TMTC1: variants seen among roughly 807,000 people sequenced by gnomAD.
The protein encoded by TMTC1 is protein O-mannosyl-transferase TMTC1.
Under a neutral mutation model 104.8 loss-of-function variants are expected in TMTC1, and 73 were observed. That is an observed-to-expected ratio of 0.70 (90% CI 0.58 to 0.85). TMTC1 has a LOEUF of 0.85. TMTC1 is among the 40% of genes least tolerant of loss of function. The pLI is 0.00. For missense variants in TMTC1, 1,035 were observed against 1,096.1 expected (o/e 0.94, Z 0.79); for synonymous variants, 434 against 428.7 (o/e 1.01, Z -0.15).
At chr12:29,586,525 G>A (rs544732112) in intron 7 of TMTC1, among the ~76,000 whole-genome samples, 2 of 152,092 alleles carry the variant, frequency 1.3e-5, no homozygotes, top group East Asian at 3.9e-4. Context: ...GTTTTCAAAG[G>A]GAATGCTTCC....
In TMTC1 at chr12:29,588,285, C is replaced by G. The variant is rs576939100; in HGVS notation, c.1251-4711G>C. On this transcript the variant is annotated intron_variant, in intron 7 of 17. Transcript: ENST00000539277. ...AAAACCCAAACCAAAAACCTCTTCT[C>G]ACTTCCACAACTCCCTGGTTCAACC... is the stretch of plus-strand genomic sequence containing the variant. Among the ~76,000 whole-genome samples the G allele has an allele frequency of 2.4e-4, 36 of 152,318 alleles. 1 individual carries two copies. In the Middle Eastern group the frequency reaches 0.01, roughly 43 times the overall value.
At chr12:29,569,961 A>G (rs547421552) in intron 9 of TMTC1, among the ~76,000 whole-genome samples, 2 of 152,328 alleles carry the variant, frequency 1.3e-5, no homozygotes, top group South Asian at 4.1e-4. Flanking sequence ...ATAATTCTGT[A>G]AAATCAACTG....
rs1395014352 is a variant in TMTC1 at position 29,516,482 on chromosome 12, T to C, written c.2174A>G (p.Gln725Arg). The C allele has an allele frequency of 3.1e-6, 5 of 1,613,114 alleles. No homozygotes were observed. Among genetic ancestry groups the C allele is most frequent in the Middle Eastern group, 1.7e-4 (1 of 5,984 alleles). ...SQRELRLALA[Q>R]VLAVMGQTKE... ...TGTCTGACCCATCACGGCCAAAACCTGAGCCTACAAAACCACATGGACCTT... is the reference window on the plus strand; with the variant it reads ...TGTCTGACCCATCACGGCCAAAACCCGAGCCTACAAAACCACATGGACCTT... The change falls in exon 15 of 18, where the codon CAG becomes CGG. Residue 725 changes from glutamine to arginine, a missense_variant. By Grantham distance (43) the Gln-to-Arg change is conservative. Transcript: ENST00000539277.
At chr12:29,536,756 T>C (rs529806042) in intron 10 of TMTC1, among the ~76,000 whole-genome samples, 25 of 142,650 alleles carry the variant, frequency 1.8e-4, no homozygotes, top group Non-Finnish European at 3.0e-4. Flanking sequence ...AGGGTGGCTG[T>C]ACCTTCCAGG....
At chr12:29,770,608 TA>T (rs765375576) in intron 1 of TMTC1, among the ~76,000 whole-genome samples, 3 of 152,112 alleles carry the variant, frequency 2.0e-5, no homozygotes, top group Non-Finnish European at 4.4e-5. Flanking sequence ...AAATATAAAA[TA>T]AATTGCTGAA....
chr12:29,556,952 C>T lies in TMTC1; in HGVS notation c.1581G>A (p.Thr527=), dbSNP rs764112138. 8 of 1,614,038 alleles carry T rather than the reference C, an allele frequency of 5.0e-6. No individual in the cohort carries two copies. The highest frequency in any genetic ancestry group is 1.6e-4 in the Middle Eastern group (1 of 6,082). ...ACATCTTTGCCTCTGCTGTGTCTCT[C>T]GTCAGTGTTCCAAGGTTGTTGAGCG... ...ASALNNLGTL[T]RDTAEAKMYY... is the part of the protein sequence containing the mutation. Residue 527 remains threonine, a synonymous_variant, in exon 10 of 18, where the codon ACG becomes ACA. Coordinates refer to ENST00000539277, the MANE Select transcript of TMTC1 (RefSeq NM_001193451.2).
intron 5 of TMTC1, among the ~76,000 whole-genome samples, chr12:29,709,775 C>G (rs1044748089): frequency 1.3e-5 from 2 of 152,142 alleles, no homozygotes; most frequent in African/African-American, 2.4e-5. Flanking sequence ...TTGTTTAATG[C>G]CTTTATATTT....
intron 6 of TMTC1, among the ~76,000 whole-genome samples, chr12:29,605,694 G>C (rs1366708396): frequency 1.3e-5 from 2 of 151,558 alleles, no homozygotes; most frequent in Non-Finnish European, 2.9e-5. Flanking sequence ...AAACTGTATA[G>C]TTTATTTATT....
Position 29,783,539 on chromosome 12 carries a change from C to A in TMTC1, c.213G>T (p.Trp71Cys). Residue 71 changes from tryptophan (W) to cysteine (C), a missense_variant, in exon 1 of 18, where the codon TGG becomes TGT. Trp to Cys is a radical substitution (Grantham distance 215). Transcript: ENST00000539277. The surrounding 1 kb of genome is among the most constrained non-coding windows in gnomAD (Gnocchi z 4.7). ...CCCAGAAGTCGTTGGTGAAGATGCCCCAGCGGAGCGGGGCGCCGGGCCGCA... is the reference window on the plus strand; with the variant it reads ...CCCAGAAGTCGTTGGTGAAGATGCCACAGCGGAGCGGGGCGCCGGGCCGCA... The part of the protein sequence containing the change: ...PDVRPGAPLR[W>C]GIFTNDFWGK... 6.8e-7 allele frequency: 1 copy of A among 1,468,838 alleles called. No homozygotes were observed. 91.0% of individuals were successfully genotyped at this position (1,468,838 alleles called of 1,614,324 possible). A position where few individuals can be genotyped will look rare whatever the true frequency, so the allele number is the denominator to read the frequency against.
rs551357491 is a variant in TMTC1, at chr12:29,727,745, T to A, written c.938+23921A>T. Among the ~76,000 whole-genome samples the A allele has an allele frequency of 3.8e-4, 58 of 152,302 alleles. 3 individuals are homozygous for A. The South Asian group carries it at 0.012, about 30-fold the overall frequency. The stretch of plus-strand genomic sequence containing the variant: ...TTCCTTCCCATTCACAGGCACTCAA[T>A]TCTGCAGTTGTTGCAAAAGGATAAT... On this transcript the variant is annotated intron_variant, in intron 5 of 17. Coordinates refer to ENST00000539277, the MANE Select transcript of TMTC1 (RefSeq NM_001193451.2).
intron 5 of TMTC1, among the ~76,000 whole-genome samples, chr12:29,659,537 A>G (rs1259431482): frequency 6.6e-6 from 1 of 152,178 alleles, no homozygotes; most frequent in Non-Finnish European, 1.5e-5. Flanking sequence ...CCCTCACCAG[A>G]TGTCTAATCT....
chr12:29,583,433 A>G lies in TMTC1; in HGVS notation c.1392T>C (p.Ile464=). Residue 464 remains isoleucine, a synonymous_variant, in exon 8 of 18, where the codon ATT becomes ATC. Coordinates refer to ENST00000539277, the MANE Select transcript of TMTC1 (RefSeq NM_001193451.2). ...TGAATAGGGACTCTCTTGACAGCCAAATTTCATTCTGTTTCACAGTTTTCC... is the reference window on the plus strand; with the variant it reads ...TGAATAGGGACTCTCTTGACAGCCAGATTTCATTCTGTTTCACAGTTTTCC... ...FSWKTVKQNE[I]WLSRESLFRS... is the part of the protein sequence containing the mutation. 1 of 1,613,924 alleles carries G rather than the reference A, an allele frequency of 6.2e-7. No homozygotes were observed. Among genetic ancestry groups the G allele is most frequent in the South Asian group, 1.1e-5 (1 of 91,078 alleles).
intron 5 of TMTC1, among the ~76,000 whole-genome samples, chr12:29,670,560 G>A (rs1048449882): frequency 1.1e-4 from 17 of 152,210 alleles, no homozygotes; most frequent in African/African-American, 2.2e-4. Context: ...TGTCTTTACC[G>A]TCCCAGGAGG....
In TMTC1 at chr12:29,550,933, C is replaced by CAAAAAAAAAA. The variant is rs200605964; in HGVS notation, c.1676+5914_1676+5923dup. 2.4e-4 allele frequency among the ~76,000 whole-genome samples: 26 copies of CAAAAAAAAAA among 108,312 alleles called. 2 individuals carry two copies. Among genetic ancestry groups the CAAAAAAAAAA allele is most frequent in the African/African-American group, 9.9e-4 (25 of 25,276 alleles). The allele number at this position is 108,312 out of a possible 152,430, so 71.1% of individuals were successfully genotyped here. A position where few individuals can be genotyped will look rare whatever the true frequency, so the allele number is the denominator to read the frequency against. Reference sequence around the variant, plus strand: ...TGGGGGAGAGAGTGGGACTCCATCTCAAAAAAAAAAAAAAAAAAAAAAAAA... The same window carrying CAAAAAAAAAA: ...TGGGGGAGAGAGTGGGACTCCATCTCAAAAAAAAAAAAAAAAAAAAAAAAAAAAAAAAAAA... On this transcript the variant is annotated intron_variant, in intron 10 of 17. Coordinates refer to ENST00000539277, the MANE Select transcript of TMTC1 (RefSeq NM_001193451.2).
chr12:29,626,868 T>C (rs1162053138), intron 6 of TMTC1, among the ~76,000 whole-genome samples: 3 of 152,028 alleles, frequency 2.0e-5, no homozygotes, highest in African/African-American at 7.2e-5. Context: ...TGGGAGGCCA[T>C]GGCAGGTGGA....
intron 1 of TMTC1, among the ~76,000 whole-genome samples, chr12:29,773,570 G>C (rs919877018): frequency 2.6e-5 from 4 of 152,074 alleles, no homozygotes; most frequent in Non-Finnish European, 5.9e-5. Flanking sequence ...CTGCAAACTG[G>C]GTAAGACATC....
chr12:29,710,369 C>T (rs1466861135), intron 5 of TMTC1, among the ~76,000 whole-genome samples: 1 of 151,924 alleles, frequency 6.6e-6, no homozygotes, highest in Non-Finnish European at 1.5e-5. Flanking sequence ...GCCATTGGAA[C>T]CACACTCCTA....
At chr12:29,688,188 T>C (rs963273776) in intron 5 of TMTC1, among the ~76,000 whole-genome samples, 2 of 152,198 alleles carry the variant, frequency 1.3e-5, no homozygotes, top group African/African-American at 2.4e-5. Flanking sequence ...GCAGCAGGGA[T>C]TGAATTATTG....
intron 4 of TMTC1, among the ~76,000 whole-genome samples, chr12:29,752,649 T>G (rs1943119086): frequency 6.6e-6 from 1 of 151,996 alleles, no homozygotes; most frequent in Admixed American, 6.6e-5. Flanking sequence ...AATTAAATAC[T>G]ATACAGCAGT....
Sources: gnomAD v4.1 joint callset for allele counts (sites outside exome capture counted in the v4.1 genomes callset) on GRCh38, gnomAD v4.1.1 for gene constraint, Gnocchi (gnomAD v3.1) non-coding constraint, MANE v1.5 for transcripts, NCBI Gene and HGNC (gene_info 2026-07-23, HGNC 2026-07-21) for gene names.